Variants in TEX11 observed in about 807,000 individuals in gnomAD.
TEX11 encodes the protein testis expressed 11.
TEX11 carries 7 observed loss-of-function variants against 84.4 expected under a neutral mutation model. The observed-to-expected ratio is 0.08, with a 90% CI of 0.05 to 0.16. TEX11 has a LOEUF of 0.16. TEX11 is among the 10% of genes least tolerant of loss of function. The pLI, the probability that TEX11 is intolerant of heterozygous loss-of-function variation, is 1.00. For synonymous variants in TEX11, 264 were observed against 222.8 expected (o/e 1.18, Z -1.64); for missense variants, 551 against 660.5 (o/e 0.83, Z 1.82).
chrX:70,801,931 A>G (rs747433386), intron 9 of TEX11, among the ~76,000 whole-genome samples: 5 of 111,502 alleles, frequency 4.5e-5, no homozygotes, highest in Non-Finnish European at 9.4e-5. Context: ...CTATTATTTT[A>G]CAAACACTGA....
chrX:70,682,795 A>G lies in TEX11; in HGVS notation c.1035T>C (p.Ile345=). ...CCGATGACTTAAAACGTTCATGAAT[A>G]ATCGTCAGGAAATGAAACCCAACAG... ...RESVGFHFLT[I]IHERFKSSEN... is the part of the protein sequence containing the mutation. Residue 345 remains isoleucine, a synonymous_variant, in exon 14 of 30, where the codon ATT becomes ATC. Coordinates refer to ENST00000374333, the MANE Select transcript of TEX11 (RefSeq NM_031276.3). 2 of 1,209,990 alleles carry G rather than the reference A, an allele frequency of 1.7e-6. No homozygotes were observed. Among genetic ancestry groups the G allele is most frequent in the South Asian group, 3.5e-5 (2 of 56,376 alleles).
intron 17 of TEX11, among the ~76,000 whole-genome samples, chrX:70,635,124 G>A (rs2089556039): frequency 8.9e-6 from 1 of 112,057 alleles, no homozygotes; most frequent in African/African-American, 3.2e-5. Flanking sequence ...AGGAAAACTA[G>A]GTGAGAGATT....
intron 24 of TEX11, among the ~76,000 whole-genome samples, chrX:70,598,561 C>T (rs181412974): frequency 2.7e-5 from 3 of 111,924 alleles, no homozygotes; most frequent in East Asian, 5.6e-4. Flanking sequence ...AAAATTTGTA[C>T]ATAAATTGTT....
chrX:70,842,023 T>C (rs1257201670), intron 7 of TEX11, among the ~76,000 whole-genome samples: 8 of 111,018 alleles, frequency 7.2e-5, no homozygotes, highest in Non-Finnish European at 1.1e-4. Context: ...CAGGACCAGA[T>C]GGATTCACAG....
intron 17 of TEX11, among the ~76,000 whole-genome samples, chrX:70,641,296 T>A (rs2089654221): frequency 9.0e-6 from 1 of 111,247 alleles, no homozygotes; most frequent in Admixed American, 9.6e-5. Flanking sequence ...CAAAGAGACT[T>A]AGATTCCCAC....
At chrX:70,687,214 C>G (rs1054937315) in intron 13 of TEX11, among the ~76,000 whole-genome samples, 2 of 111,193 alleles carry the variant, frequency 1.8e-5, no homozygotes, top group Admixed American at 1.9e-4. Context: ...GAAGTAAATT[C>G]AAGACATCCT....
rs750251019 is a variant in TEX11 at position 70,766,263 on chromosome X, T to A, written c.693-22044A>T. ...CCTGGCTCTACTAAAAATATAAAAC[T>A]TAGCTGGGCATGGTGGTGCGTGCCT... On this transcript the variant is annotated intron_variant, in intron 9 of 29. Coordinates refer to ENST00000374333, the MANE Select transcript of TEX11 (RefSeq NM_031276.3). Among the ~76,000 whole-genome samples the A allele has an allele frequency of 7.3e-5, 8 of 109,791 alleles. No homozygotes were observed. In the South Asian group the frequency reaches 3.2e-3, roughly 44 times the overall value.
intron 22 of TEX11, among the ~76,000 whole-genome samples, chrX:70,607,425 C>A (rs1267291136): frequency 1.8e-5 from 2 of 110,246 alleles, no homozygotes; most frequent in Non-Finnish European, 3.8e-5. Context: ...TCCGTCTATA[C>A]AAAAAAATTA....
chrX:70,861,059 G>C (rs921096753), intron 4 of TEX11, 123 bp from the exon 5 acceptor site: 37 of 366,585 alleles, frequency 1.0e-4, no homozygotes, highest in Non-Finnish European at 1.6e-4. Context: ...AATTGTAAAG[G>C]CCTTTTTTTT....
At chrX:70,602,237 A>G (rs1243025923) in intron 24 of TEX11, among the ~76,000 whole-genome samples, 3 of 111,849 alleles carry the variant, frequency 2.7e-5, no homozygotes, top group Admixed American at 1.9e-4. Flanking sequence ...AGCCGGGCAG[A>G]GACACAACCA....
rs774948976 is a variant in TEX11 at position 70,600,729 on chromosome X, A to C, written c.2067+4672T>G. ...TTAAGAATCTCACTCAAAACCGCTCAACTACATGGAAACTGAACAACCTGC... is the reference window on the plus strand; with the variant it reads ...TTAAGAATCTCACTCAAAACCGCTCCACTACATGGAAACTGAACAACCTGC... On this transcript the variant is annotated intron_variant, in intron 24 of 29. Coordinates refer to ENST00000374333, the MANE Select transcript of TEX11 (RefSeq NM_031276.3). 3.7e-3 allele frequency among the ~76,000 whole-genome samples: 335 copies of C among 90,363 alleles called. 2 individuals carry two copies. Among genetic ancestry groups the C allele is most frequent in the African/African-American group, 0.013 (328 of 24,622 alleles). 78.5% of individuals were successfully genotyped at this position (90,363 alleles called of 115,157 possible). A position where few individuals can be genotyped will look rare whatever the true frequency, so the allele number is the denominator to read the frequency against.
intron 2 of TEX11, among the ~76,000 whole-genome samples, chrX:70,885,888 C>CAG (rs1556225189): frequency 7.2e-5 from 3 of 41,405 alleles, no homozygotes; most frequent in African/African-American, 2.0e-4. Context: ...GACACTGCCA[C>CAG]AAAAAAAAAA....
At chrX:70,753,502 C>A (rs901370679) in intron 9 of TEX11, among the ~76,000 whole-genome samples, 8 of 110,035 alleles carry the variant, frequency 7.3e-5, no homozygotes, top group African/African-American at 1.7e-4. Context: ...CAGCAGGGAA[C>A]CCACTACCTT....
At chrX:70,792,840 T>C (rs953772848) in intron 9 of TEX11, among the ~76,000 whole-genome samples, 1 of 110,968 alleles carries the variant, frequency 9.0e-6, no homozygotes, top group African/African-American at 3.3e-5. Flanking sequence ...CTACGATGCA[T>C]CATCCTGATG....
At chrX:70,897,230 T>A (rs111580033) in intron 2 of TEX11, among the ~76,000 whole-genome samples, 5,446 of 51,237 alleles carry the variant, frequency 0.11, 422 homozygotes, top group African/African-American at 0.26. Context: ...TATATATGTT[T>A]TATATATATA....
chrX:70,866,440 G>A (rs1230548420), intron 4 of TEX11, among the ~76,000 whole-genome samples: 6 of 109,082 alleles, frequency 5.5e-5, no homozygotes, highest in Non-Finnish European at 1.1e-4. Flanking sequence ...GGACCAGACA[G>A]ATTCACAGCT....
intron 25 of TEX11, among the ~76,000 whole-genome samples, chrX:70,567,836 A>G (rs775245126): frequency 9.0e-5 from 10 of 111,526 alleles, no homozygotes; most frequent in African/African-American, 3.3e-4. Context: ...TATGTGGTCA[A>G]TTTTGGAATA....
At chrX:70,731,529 C>T (rs1320413235) in intron 11 of TEX11, among the ~76,000 whole-genome samples, 3 of 111,475 alleles carry the variant, frequency 2.7e-5, no homozygotes, top group South Asian at 3.8e-4. Flanking sequence ...TAAACACCTC[C>T]ACGCAAATAA....
At position 70,840,180 on chromosome X, in the gene TEX11, G is replaced by A. The variant is rs186054905; in HGVS notation, c.526-6587C>T. ...GCAAGTCCAAGACACATAATTGTCA[G>A]ATTCACCAAAGTTGAAATGAAGGAA... is the stretch of plus-strand genomic sequence containing the variant. On this transcript the variant is annotated intron_variant, in intron 7 of 29. Transcript: ENST00000374333. 7.2e-5 allele frequency among the ~76,000 whole-genome samples: 8 copies of A among 111,548 alleles called. No homozygotes were observed. The East Asian group carries it at 1.7e-3, about 24-fold the overall frequency.
Sources: gnomAD v4.1 joint callset for allele counts (sites outside exome capture counted in the v4.1 genomes callset) on GRCh38, gnomAD v4.1.1 for gene constraint, MANE v1.5 for transcripts, NCBI Gene and HGNC (gene_info 2026-07-23, HGNC 2026-07-21) for gene names.